The following ZNF609 variants were observed in gnomAD, a reference collection of about 807,000 sequenced individuals.
The protein encoded by ZNF609 is zinc finger protein 609.
In ZNF609, 11 loss-of-function variants were observed where a neutral mutation model predicts 109.5. The ratio of observed to expected loss-of-function variants is 0.10; its 90% CI spans 0.06 to 0.17. The LOEUF is 0.17. Among genes scored for constraint, ZNF609 ranks in the 10% least tolerant of loss-of-function variants. The probability of loss-of-function intolerance (pLI) is 1.00; values close to 1 mark genes in which losing one functional copy is unlikely to be tolerated. For synonymous variants in ZNF609, 646 were observed against 662.0 expected (o/e 0.98, Z 0.37); for missense variants, 1,559 against 1,772.4 (o/e 0.88, Z 2.16).
At chr15:64,613,753 T>C (rs1276993751) in intron 2 of ZNF609, among the ~76,000 whole-genome samples, 2 of 152,062 alleles carry the variant, frequency 1.3e-5, no homozygotes, top group African/African-American at 2.4e-5. Context: ...GGTTTCACCA[T>C]GTTGGCCAGG....
chr15:64,486,148 G>A (rs1376220061), intron 1 of ZNF609, among the ~76,000 whole-genome samples: 2 of 152,062 alleles, frequency 1.3e-5, no homozygotes, highest in African/African-American at 4.8e-5. Context: ...TTATTGGATT[G>A]GTACATTATA....
At chr15:64,467,524 C>T (rs1893032300) in intron 1 of ZNF609, among the ~76,000 whole-genome samples, 1 of 152,150 alleles carries the variant, frequency 6.6e-6, no homozygotes, top group Non-Finnish European at 1.5e-5. Flanking sequence ...TAAATTCTAG[C>T]AGGTGGTAAT....
At chr15:64,630,098 CTT>C (rs773124227) in intron 3 of ZNF609, among the ~76,000 whole-genome samples, 22 of 136,858 alleles carry the variant, frequency 1.6e-4, no homozygotes, top group Non-Finnish European at 2.0e-4. Context: ...TTTCTTTTTT[CTT>C]TTTTTTTTTT....
At chr15:64,626,899 A>C (rs914290750) in intron 3 of ZNF609, among the ~76,000 whole-genome samples, 2 of 152,202 alleles carry the variant, frequency 1.3e-5, no homozygotes, top group Non-Finnish European at 2.9e-5. Context: ...AGACATTCTC[A>C]GCACTATGTA....
chr15:64,599,688 T>C, intron 2 of ZNF609, among the ~76,000 whole-genome samples: 1 of 152,174 alleles, frequency 6.6e-6, no homozygotes, highest in South Asian at 2.1e-4. Context: ...GATATACAGA[T>C]ACAATAACAT....
At chr15:64,476,604 C>A (rs1333700882) in intron 1 of ZNF609, among the ~76,000 whole-genome samples, 4 of 152,172 alleles carry the variant, frequency 2.6e-5, no homozygotes, top group South Asian at 4.1e-4. Flanking sequence ...CCAGCTGACA[C>A]TGAGGAGAAA....
chr15:64,465,744 A>G (rs542605417), intron 1 of ZNF609, among the ~76,000 whole-genome samples: 3 of 152,084 alleles, frequency 2.0e-5, no homozygotes, highest in Non-Finnish European at 2.9e-5. Flanking sequence ...TGACATTGAC[A>G]TTAACATCAC....
At chr15:64,599,550 T>C (rs764512578) in intron 2 of ZNF609, among the ~76,000 whole-genome samples, 1 of 152,236 alleles carries the variant, frequency 6.6e-6, no homozygotes, top group Non-Finnish European at 1.5e-5. Flanking sequence ...TTAAAGGTCC[T>C]GAATGTCTCT....
intron 1 of ZNF609, among the ~76,000 whole-genome samples, chr15:64,476,341 A>G (rs1401905795): frequency 1.3e-5 from 2 of 152,178 alleles, no homozygotes; most frequent in Admixed American, 1.3e-4. Context: ...GGAGATAGAA[A>G]TAAACATAAT....
intron 1 of ZNF609, chr15:64,471,175 A>G (rs1302090819): frequency 6.6e-6 from 1 of 152,122 alleles, no homozygotes; most frequent in Non-Finnish European, 1.5e-5. Flanking sequence ...CCTGGTGAAC[A>G]TGGTGAAAGC....
chr15:64,477,623 C>CTTTT (rs528565686), intron 1 of ZNF609, among the ~76,000 whole-genome samples: 4 of 142,644 alleles, frequency 2.8e-5, no homozygotes, highest in African/African-American at 5.2e-5. Flanking sequence ...GTCTTATTTC[C>CTTTT]TTTTTTTTTT....
chr15:64,467,714 G>T (rs1301857217), intron 1 of ZNF609, among the ~76,000 whole-genome samples: 1 of 152,082 alleles, frequency 6.6e-6, no homozygotes, highest in African/African-American at 2.4e-5. Flanking sequence ...GCATGGTGGC[G>T]CACGTCTGTA....
intron 1 of ZNF609, among the ~76,000 whole-genome samples, chr15:64,469,237 T>G (rs1893060028): frequency 6.6e-6 from 1 of 151,646 alleles, no homozygotes; most frequent in African/African-American, 2.4e-5. Flanking sequence ...CACTCCAGCC[T>G]GGGCAACAAG....
chr15:64,632,058 C>T (rs1236233721), intron 3 of ZNF609: 1 of 152,158 alleles, frequency 6.6e-6, no homozygotes, highest in African/African-American at 2.4e-5. Context: ...GAGACAGGGT[C>T]TTGTTCTTTC....
At chr15:64,581,226 A>G (rs1231013253) in intron 2 of ZNF609, among the ~76,000 whole-genome samples, 2 of 151,956 alleles carry the variant, frequency 1.3e-5, no homozygotes, top group East Asian at 3.9e-4. Context: ...TTCAAGGTCA[A>G]CCGGAGGTGA....
At position 64,680,795 on chromosome 15, in the gene ZNF609, ACACCAC is replaced by A. The variant is rs747894291; in HGVS notation, c.4108_4113del (p.His1370_His1371del). Reference sequence around the variant, plus strand: ...CTCCTTCCCAGCGCCTGATGTCCACACACCACCACCACCACCACTTGGGGTACTCAT... The same window carrying A: ...CTCCTTCCCAGCGCCTGATGTCCACACACCACCACCACTTGGGGTACTCAT... On this transcript the variant is annotated inframe_deletion, in exon 8 of 10. Coordinates refer to ENST00000326648, the MANE Select transcript of ZNF609 (RefSeq NM_015042.2). The A allele has an allele frequency of 1.9e-6, 3 of 1,613,302 alleles. No individual in the cohort carries two copies. The East Asian group carries it at 6.7e-5, about 36-fold the overall frequency.
chr15:64,625,235 G>C (rs763334510), intron 3 of ZNF609, among the ~76,000 whole-genome samples: 52 of 152,152 alleles, frequency 3.4e-4, no homozygotes, highest in Non-Finnish European at 6.0e-4. Context: ...TAACATAGGT[G>C]GCATCTGACA....
chr15:64,489,050 G>A (rs1185348553), intron 1 of ZNF609, among the ~76,000 whole-genome samples: 1 of 152,042 alleles, frequency 6.6e-6, no homozygotes, highest in Non-Finnish European at 1.5e-5. Flanking sequence ...ACTGCAGTGA[G>A]CTTGTGTTTG....
intron 2 of ZNF609, among the ~76,000 whole-genome samples, chr15:64,584,808 T>C (rs995152364): frequency 6.0e-5 from 9 of 150,442 alleles, no homozygotes; most frequent in Non-Finnish European, 1.3e-4. Context: ...TTTGTATTTT[T>C]AGTAGAGATG....
Sources: gnomAD v4.1 joint callset for allele counts (sites outside exome capture counted in the v4.1 genomes callset) on GRCh38, gnomAD v4.1.1 for gene constraint, MANE v1.5 for transcripts, NCBI Gene and HGNC (gene_info 2026-07-23, HGNC 2026-07-21) for gene names.